CPVL: variants seen among roughly 807,000 people sequenced by gnomAD.
The protein encoded by CPVL is carboxypeptidase vitellogenic like, also known as probable serine carboxypeptidase CPVL.
Under a neutral mutation model 63.7 loss-of-function variants are expected in CPVL, and 51 were observed. The observed-to-expected ratio is 0.80, with a 90% confidence interval of 0.64 to 1.01. The LOEUF (loss-of-function observed/expected upper bound fraction) is 1.01. CPVL is among the 50% of genes least tolerant of loss of function. The pLI, the probability that CPVL is intolerant of heterozygous loss-of-function variation, is 0.00. For synonymous variants in CPVL, 195 were observed against 206.0 expected (o/e 0.95, Z 0.46); for missense variants, 530 against 573.1 (o/e 0.92, Z 0.77).
At position 29,030,733 on chromosome 7, in the gene CPVL, G is replaced by A. The variant is rs752888902; in HGVS notation, c.1164C>T (p.Asp388=). The A allele has an allele frequency of 5.6e-6, 9 of 1,611,618 alleles. No homozygotes were observed. The highest frequency in any genetic ancestry group is 7.6e-6 in the Non-Finnish European group (9 of 1,179,106). The change falls in exon 12 of 13, where the codon GAC becomes GAT. Residue 388 remains aspartate, a synonymous_variant. Coordinates refer to ENST00000265394, the MANE Select transcript of CPVL (RefSeq NM_031311.5). ...CTGTCAGGGCAGCTGCCACGATGATGTCCAGTTGGCCATTGTAGATCAGAA... is the reference window on the plus strand; with the variant it reads ...CTGTCAGGGCAGCTGCCACGATGATATCCAGTTGGCCATTGTAGATCAGAA... ...YKVLIYNGQL[D]IIVAAALTER...
At chr7:29,053,000 T>C (rs1490258545) in intron 11 of CPVL, among the ~76,000 whole-genome samples, 1 of 152,118 alleles carries the variant, frequency 6.6e-6, no homozygotes, top group Non-Finnish European at 1.5e-5. Context: ...AGGCAAAGTA[T>C]TTGGATACAC....
chr7:29,100,154 T>C (rs996857819), intron 3 of CPVL, among the ~76,000 whole-genome samples: 9 of 152,214 alleles, frequency 5.9e-5, no homozygotes, highest in African/African-American at 2.2e-4. Flanking sequence ...AGGTAGCCCC[T>C]GCTCTTCCCA....
intron 9 of CPVL, among the ~76,000 whole-genome samples, chr7:29,066,865 A>T (rs1783186627): frequency 6.6e-6 from 1 of 152,246 alleles, no homozygotes; most frequent in Non-Finnish European, 1.5e-5. Flanking sequence ...ACAGCCTGAC[A>T]GAGAGGCAGA....
intron 9 of CPVL, among the ~76,000 whole-genome samples, chr7:29,069,845 G>A (rs1406415905): frequency 4.0e-5 from 6 of 148,408 alleles, no homozygotes; most frequent in Non-Finnish European, 8.9e-5. Context: ...AATGCATAGG[G>A]ACAGTAGATG....
At chr7:29,043,809 C>T (rs1267828186) in intron 11 of CPVL, among the ~76,000 whole-genome samples, 1 of 152,092 alleles carries the variant, frequency 6.6e-6, no homozygotes, top group Non-Finnish European at 1.5e-5. Flanking sequence ...AGGAAGAGCC[C>T]AGAACATATG....
chr7:29,138,919 C>T (rs1289141581), intron 1 of CPVL, among the ~76,000 whole-genome samples: 1 of 152,198 alleles, frequency 6.6e-6, no homozygotes, highest in East Asian at 1.9e-4. Context: ...GGCCTCTTCC[C>T]ACTTCTCCCA....
chr7:28,999,743 G>A (rs1265624504), intron 12 of CPVL, among the ~76,000 whole-genome samples: 1 of 152,208 alleles, frequency 6.6e-6, no homozygotes, highest in Non-Finnish European at 1.5e-5. Context: ...CATTAATATT[G>A]CGGGAAGAGA....
In CPVL at chr7:29,022,766, C is replaced by A. The variant is rs530846500; in HGVS notation, c.1320+7811G>T. Among the ~76,000 whole-genome samples the A allele has an allele frequency of 6.5e-4, 99 of 152,360 alleles. 1 individual carries two copies. Among genetic ancestry groups the A allele is most frequent in the Non-Finnish European group, 1.2e-3 (85 of 68,038 alleles). On this transcript the variant is annotated intron_variant, in intron 12 of 12. Transcript: ENST00000265394. ...TCCAGCTCACCTGGCCCCACCCTCA[C>A]CAGTGCCTGTGGGCATTGTCCAGAG...
chr7:28,997,038 C>T (rs1265048483), intron 12 of CPVL, among the ~76,000 whole-genome samples: 1 of 152,166 alleles, frequency 6.6e-6, no homozygotes, highest in East Asian at 1.9e-4. Context: ...ATGATGAGAT[C>T]CAATCAGCAA....
At chr7:29,052,744 C>T (rs1790316725) in intron 11 of CPVL, among the ~76,000 whole-genome samples, 1 of 152,030 alleles carries the variant, frequency 6.6e-6, no homozygotes, top group South Asian at 2.1e-4. Flanking sequence ...CCTGTCTCTA[C>T]TAAAAATATA....
chr7:29,018,317 A>T (rs574953304), intron 12 of CPVL, among the ~76,000 whole-genome samples: 1 of 146,564 alleles, frequency 6.8e-6, no homozygotes, highest in Non-Finnish European at 1.5e-5. Flanking sequence ...CATTTATTCT[A>T]AAAAAAAAAA....
At chr7:29,088,924 G>A (rs1028131808) in intron 6 of CPVL, among the ~76,000 whole-genome samples, 10 of 152,150 alleles carry the variant, frequency 6.6e-5, no homozygotes, top group African/African-American at 1.4e-4. Flanking sequence ...GCAGTGAGCC[G>A]AGATCACGCC....
downstream of CPVL, chr7:28,995,093 CTT>C (rs1382785230): frequency 6.6e-6 from 1 of 152,048 alleles, no homozygotes; most frequent in Non-Finnish European, 1.5e-5. Flanking sequence ...TAAAATGGCT[CTT>C]ATAACTAATG....
intron 11 of CPVL, among the ~76,000 whole-genome samples, chr7:29,052,106 C>T (rs1051925652): frequency 1.3e-5 from 2 of 151,570 alleles, no homozygotes; most frequent in African/African-American, 4.8e-5. Flanking sequence ...GCTATGAGGA[C>T]GCAAAGGCAT....
intron 6 of CPVL, among the ~76,000 whole-genome samples, chr7:29,089,145 G>T (rs1785514108): frequency 6.6e-6 from 1 of 152,094 alleles, no homozygotes; most frequent in Admixed American, 6.6e-5. Context: ...TTTAGTTAAG[G>T]GCTCTCTGCT....
chr7:29,086,714 T>A (rs1416652489), intron 6 of CPVL, among the ~76,000 whole-genome samples, 164 bp from the exon 7 acceptor site: 7 of 152,208 alleles, frequency 4.6e-5, no homozygotes, highest in Admixed American at 4.6e-4. Flanking sequence ...ACACAATACA[T>A]GTGGGCTTAC....
intron 7 of CPVL, chr7:29,082,313 G>A (rs140244651): frequency 6.6e-6 from 1 of 152,152 alleles, no homozygotes; most frequent in Non-Finnish European, 1.5e-5. Context: ...CAACTCATCT[G>A]ATTGTTAGAT....
At chr7:29,022,349 C>T (rs1404957749) in intron 12 of CPVL, among the ~76,000 whole-genome samples, 1 of 152,194 alleles carries the variant, frequency 6.6e-6, no homozygotes, top group Non-Finnish European at 1.5e-5. Context: ...GACCTACCAC[C>T]CCCACTGCCA....
At chr7:29,041,205 C>T (rs1789052802) in intron 11 of CPVL, among the ~76,000 whole-genome samples, 2 of 147,034 alleles carry the variant, frequency 1.4e-5, no homozygotes, top group Admixed American at 1.4e-4. Context: ...GATCTCGGCT[C>T]ACTGCGACTT....
Sources: gnomAD v4.1 joint callset for allele counts (sites outside exome capture counted in the v4.1 genomes callset) on GRCh38, gnomAD v4.1.1 for gene constraint, MANE v1.5 for transcripts, NCBI Gene and HGNC (gene_info 2026-07-23, HGNC 2026-07-21) for gene names.